NBPF12: variants seen among roughly 807,000 people sequenced by gnomAD.
NBPF12 encodes the protein NBPF family member NBPF12.
NBPF12 carries 115 observed loss-of-function variants against 146.4 expected under a neutral mutation model. The observed-to-expected ratio is 0.79, with a 90% confidence interval of 0.68 to 0.92. NBPF12 has a LOEUF of 0.92. NBPF12 is among the 40% of genes least tolerant of loss of function. NBPF12 has a pLI of 0.00. For synonymous variants in NBPF12, 385 were observed against 508.9 expected, an observed-to-expected ratio of 0.76 and a Z score of 3.28; for missense variants, 1,205 against 1,326.8, an observed-to-expected ratio of 0.91 and a Z score of 1.43.
intron 17 of NBPF12, 107 bp from the exon 21 acceptor site, chr1:146,977,359 C>A: frequency 1.2e-6 from 1 of 824,204 alleles, no homozygotes; most frequent in Non-Finnish European, 2.0e-6. Context: ...ATTTTGCTTT[C>A]TGGGACCACT....
intron 14 of NBPF12, among the ~76,000 whole-genome samples, chr1:146,974,278 A>G (rs1656850971): frequency 7.0e-6 from 1 of 143,672 alleles, no homozygotes; most frequent in African/African-American, 2.7e-5. Flanking sequence ...TAAAAAATCA[A>G]AGATTTTTAA....
intron 2 of NBPF12, among the ~76,000 whole-genome samples, chr1:146,954,814 A>G (rs1655493064): frequency 1.3e-5 from 2 of 149,058 alleles, no homozygotes; most frequent in Admixed American, 6.7e-5. Context: ...GAGAAGAGAG[A>G]ATCCAGAAAT....
chr1:146,963,425 T>G, intron 6 of NBPF12, 116 bp downstream of exon 9: 3 of 1,595,134 alleles, frequency 1.9e-6, no homozygotes, highest in South Asian at 2.2e-5. Flanking sequence ...TACACATATG[T>G]GGCCATGACA....
rs1553886822 is a variant in NBPF12, at chr1:146,972,949, A to C, written c.1790A>C (p.Gln597Pro). ...GTGGCCTGCTTCCTGGCCAAGCAGCAGAACAAATACAGTAAGATCTATATG... is the reference window on the plus strand; with the variant it reads ...GTGGCCTGCTTCCTGGCCAAGCAGCCGAACAAATACAGTAAGATCTATATG... The change falls in exon 14 of 34, where the codon CAG (glutamine) becomes CCG (proline). Residue 597 changes from glutamine (Q) to proline (P), a missense_variant. Around this residue, in one of 16 missense-constraint regions of NBPF12, gnomAD observed 278 missense variants for 203.1 expected, o/e 1.37. Coordinates refer to ENST00000617844, the Ensembl canonical transcript of NBPF12. 36 of 925,924 alleles carry C rather than the reference A, an allele frequency of 3.9e-5. 2 individuals carry two copies. The African/African-American group carries it at 3.9e-4, about 10-fold the overall frequency. The allele number at this position is 925,924 out of a possible 1,614,324, so 57.4% of individuals were successfully genotyped here.
upstream of NBPF12, chr1:146,949,230 T>C (rs1440719815): frequency 2.6e-5 from 4 of 151,674 alleles, no homozygotes; most frequent in Admixed American, 1.3e-4. Context: ...CTGTGTCTCT[T>C]TCTTTTCCAA....
intron 19 of NBPF12, among the ~76,000 whole-genome samples, chr1:146,981,496 T>C (rs1336545330): frequency 6.6e-6 from 1 of 151,500 alleles, no homozygotes; most frequent in Non-Finnish European, 1.5e-5. Flanking sequence ...ATTTTTTCCT[T>C]CATTTCAACC....
chr1:146,971,903 C>A lies in NBPF12; in HGVS notation c.1591+509C>A, dbSNP rs1553886530. ...GACCATCCTGGCTAACACGGTGAAACCCCATCTTTACTAAAAATACAAAAA... is the reference window on the plus strand; with the variant it reads ...GACCATCCTGGCTAACACGGTGAAAACCCATCTTTACTAAAAATACAAAAA... On this transcript the variant is annotated intron_variant, in intron 13 of 33. Coordinates refer to ENST00000617844, the Ensembl canonical transcript of NBPF12. Among the ~76,000 whole-genome samples the A allele has an allele frequency of 6.8e-3, 828 of 122,480 alleles. 34 individuals carry two copies. The highest frequency in any genetic ancestry group is 0.027 in the African/African-American group (799 of 29,412). The allele number at this position is 122,480 out of a possible 152,430, so 80.4% of individuals were successfully genotyped here.
intron 2 of NBPF12, among the ~76,000 whole-genome samples, chr1:146,954,872 T>C (rs1655497198): frequency 7.7e-6 from 1 of 129,960 alleles, no homozygotes; most frequent in Admixed American, 8.6e-5. Context: ...TATATATATG[T>C]ATACACACCC....
rs1392031675 is a variant in NBPF12 at position 146,969,645 on chromosome 1, G to A, written c.1306+49G>A. 1.3e-5 allele frequency: 20 copies of A among 1,560,614 alleles called. 1 individual carries two copies. The highest frequency in any genetic ancestry group is 4.1e-5 in the African/African-American group (3 of 72,726). ...GACCCAAAACCCCAGGCTTATGAGA[G>A]GCTCCAGACCTCCATACTTTCACAA... On this transcript the variant is annotated intron_variant, in intron 11 of 33. Transcript: ENST00000617844.
chr1:146,969,124 A>G (rs1656407695), intron 10 of NBPF12, among the ~76,000 whole-genome samples: 2 of 151,226 alleles, frequency 1.3e-5, no homozygotes, highest in Non-Finnish European at 2.9e-5. Context: ...GGAATTAGGA[A>G]GACACCTACT....
Position 146,950,637 on chromosome 1 carries a change from C to T in NBPF12, c.-325-711C>T, listed in dbSNP as rs1366666747. ...TTCTCACACTCTTTTGCGTATGGCTCCTATTGCACTCAAAATGTTTTTGAG... is the reference window on the plus strand; with the variant it reads ...TTCTCACACTCTTTTGCGTATGGCTTCTATTGCACTCAAAATGTTTTTGAG... On this transcript the variant is annotated intron_variant, in intron 1 of 33. Coordinates refer to ENST00000617844, the Ensembl canonical transcript of NBPF12. 1.0e-3 allele frequency among the ~76,000 whole-genome samples: 157 copies of T among 152,160 alleles called. 1 individual carries two copies. The highest frequency in any genetic ancestry group is 8.8e-3 in the Admixed American group (134 of 15,282).
rs1657487251 is a variant in NBPF12, at chr1:146,982,987, C to T, written c.2510C>T (p.Ser837Leu). 7.7e-5 allele frequency: 124 copies of T among 1,609,434 alleles called. 2 individuals carry two copies. In the South Asian group the frequency reaches 9.0e-4, roughly 12 times the overall value. The change falls in exon 20 of 34, where the codon TCG becomes TTG. Residue 837 changes from serine (S) to leucine (L), a missense_variant. Physicochemically the swap from Ser to Leu is moderately radical, Grantham distance 145. This residue lies in a region of NBPF12 where 49 missense variants were observed against 49.9 expected (regional missense o/e 0.98). Transcript: ENST00000617844. The stretch of plus-strand genomic sequence containing the variant: ...CAGGAGTCCTGGGATGAAGGTTATT[C>T]GACTCTCTCAATTCCTCCTGAAAGG...
At chr1:146,984,959 G>C in exon 22 of NBPF12, 1 of 1,343,708 alleles carries the variant, frequency 7.4e-7, no homozygotes, top group African/African-American at 1.4e-5. Flanking sequence ...GAGCAACAGC[G>C]TGTTGGCTTG....
Position 146,962,006 on chromosome 1 carries a change from G to T in NBPF12, c.176-155G>T, listed in dbSNP as rs1655881749. ...GGAGGATCAGATGCCAGAAAGTCAGGAGACTGAAGAGTAAAGATGTGGAAA... is the reference window on the plus strand; with the variant it reads ...GGAGGATCAGATGCCAGAAAGTCAGTAGACTGAAGAGTAAAGATGTGGAAA... On this transcript the variant is annotated intron_variant, in intron 4 of 33. Coordinates refer to ENST00000617844, the Ensembl canonical transcript of NBPF12. Among the ~76,000 whole-genome samples, 8 of 152,160 alleles carry T rather than the reference G, an allele frequency of 5.3e-5. No individual in the cohort carries two copies. In the South Asian group the frequency reaches 1.7e-3, roughly 32 times the overall value.
intron 25 of NBPF12, among the ~76,000 whole-genome samples, 199 bp from the exon 29 acceptor site, chr1:146,987,755 G>GTGTGTGTGTGTGTGTGTGTGTC (rs1657879866): frequency 1.3e-5 from 2 of 151,740 alleles, no homozygotes; most frequent in African/African-American, 4.9e-5. Flanking sequence ...GTGTGTGTGT[G>GTGTGTGTGTGTGTGTGTGTGTC]TGTGTCTGTC....
In NBPF12 at chr1:146,974,957, A is replaced by C. The variant is rs1553887159; in HGVS notation, c.1904+116A>C. 154 of 545,108 alleles carry C rather than the reference A, an allele frequency of 2.8e-4. 6 individuals carry two copies. In the East Asian group the frequency reaches 3.2e-3, roughly 11 times the overall value. 33.8% of individuals were successfully genotyped at this position (545,108 alleles called of 1,614,324 possible). On this transcript the variant is annotated intron_variant, in intron 15 of 33. Coordinates refer to ENST00000617844, the Ensembl canonical transcript of NBPF12. The stretch of plus-strand genomic sequence containing the variant: ...GGCCAGGGGAAGGGCAGGAATTGCC[A>C]TGGCAGGTTTGCTACACACAAATAT...
intron 19 of NBPF12, among the ~76,000 whole-genome samples, chr1:146,980,005 G>C (rs1363969622): frequency 1.5e-5 from 2 of 131,050 alleles, no homozygotes; most frequent in Non-Finnish European, 3.2e-5. Flanking sequence ...CTCCTGTATA[G>C]GGTGCATATA....
rs1553886379 is a variant in NBPF12 at position 146,971,245 on chromosome 1, C to G, written c.1442C>G (p.Thr481Ser). ...GACTCACTGGAGGAATGTGCCATCA[C>G]TTGTTCAAATAGCCACGGCCCTTGT... is the stretch of plus-strand genomic sequence containing the variant. The change falls in exon 13 of 34, where the codon ACT becomes AGT. Residue 481 changes from threonine to serine, a missense_variant. Transcript: ENST00000617844. The G allele has an allele frequency of 5.0e-6, 8 of 1,612,202 alleles. No individual in the cohort carries two copies. The Admixed American group carries it at 5.0e-5, about 10-fold the overall frequency.
At chr1:146,962,050 T>C in intron 4 of NBPF12, 111 bp from the exon 8 acceptor site, 3 of 878,060 alleles carry the variant, frequency 3.4e-6, no homozygotes, top group Admixed American at 1.8e-5. Flanking sequence ...TAGACCCTGG[T>C]ACTGGGGAGA....
Sources: allele counts gnomAD v4.1 joint callset (sites outside exome capture counted in the v4.1 genomes callset), GRCh38; gene constraint gnomAD v4.1.1; regional missense constraint gnomAD v4.1.1; transcripts MANE v1.5; gene names NCBI Gene and HGNC (gene_info 2026-07-23, HGNC 2026-07-21).